The following DSCAM variants were observed in gnomAD, a reference collection of about 807,000 sequenced individuals.
DSCAM encodes DS cell adhesion molecule, also known as cell adhesion molecule DSCAM.
In DSCAM, 47 loss-of-function variants were observed where a neutral mutation model predicts 217.7. That is an observed-to-expected ratio of 0.22 (90% CI 0.17 to 0.28). The LOEUF is 0.28. Among genes scored for constraint, DSCAM ranks in the 10% least tolerant of loss-of-function variants. DSCAM has a pLI of 1.00. For missense variants in DSCAM, 2,080 were observed against 2,618.3 expected, an observed-to-expected ratio of 0.79 and a Z score of 4.49; for synonymous variants, 1,056 against 1,015.3, an observed-to-expected ratio of 1.04 and a Z score of -0.76.
intron 32 of DSCAM, among the ~76,000 whole-genome samples, chr21:40,039,437 C>T (rs1213816943): frequency 6.6e-6 from 1 of 151,764 alleles, no homozygotes; most frequent in Non-Finnish European, 1.5e-5. Context: ...CCAATTTAAC[C>T]AGTTGGTTTT....
chr21:40,322,999 C>T (rs1018846265), intron 8 of DSCAM, among the ~76,000 whole-genome samples: 4 of 152,126 alleles, frequency 2.6e-5, no homozygotes, highest in Non-Finnish European at 4.4e-5. Context: ...TTGGCCACCT[C>T]GGAGATTGTC....
At chr21:40,014,975 C>T (rs2088131532) in intron 32 of DSCAM, among the ~76,000 whole-genome samples, 1 of 152,190 alleles carries the variant, frequency 6.6e-6, no homozygotes, top group Admixed American at 6.5e-5. Flanking sequence ...TGTGGTCTTC[C>T]AGATCTCTGC....
intron 19 of DSCAM, among the ~76,000 whole-genome samples, chr21:40,128,699 C>CAAAAAAAAAAA: frequency 1.1e-5 from 1 of 89,048 alleles, no homozygotes; most frequent in Non-Finnish European, 2.5e-5. Flanking sequence ...CATAACCAAA[C>CAAAAAAAAAAA]AAAAAAAAAA....
intron 3 of DSCAM, among the ~76,000 whole-genome samples, chr21:40,473,725 G>A (rs543788309): frequency 2.6e-5 from 4 of 152,254 alleles, no homozygotes; most frequent in South Asian, 4.2e-4. Flanking sequence ...GGTGATTAAG[G>A]TAAAGTGAGG....
intron 8 of DSCAM, among the ~76,000 whole-genome samples, chr21:40,315,348 G>A (rs372778424): frequency 5.9e-5 from 9 of 151,526 alleles, no homozygotes; most frequent in Admixed American, 5.9e-4. Flanking sequence ...AGGTTGCAGT[G>A]AGCCAAGGTC....
intron 3 of DSCAM, among the ~76,000 whole-genome samples, chr21:40,475,599 G>A (rs562731019): frequency 2.6e-5 from 4 of 152,308 alleles, no homozygotes; most frequent in East Asian, 1.9e-4. Flanking sequence ...TTGGGAGGCC[G>A]AGGCAGGCAG....
At chr21:40,449,322 G>GA (rs1724845122) in intron 3 of DSCAM, among the ~76,000 whole-genome samples, 1 of 152,068 alleles carries the variant, frequency 6.6e-6, no homozygotes, top group Admixed American at 6.6e-5. Context: ...TTTGGTGGGG[G>GA]AGCATCATTC....
chr21:40,777,603 T>C (rs1454800353), intron 1 of DSCAM, among the ~76,000 whole-genome samples: 1 of 152,160 alleles, frequency 6.6e-6, no homozygotes. Context: ...AGATAATCTA[T>C]TTGTAAGACA....
intron 3 of DSCAM, among the ~76,000 whole-genome samples, chr21:40,665,846 C>T (rs972786056): frequency 2.6e-5 from 4 of 152,174 alleles, no homozygotes; most frequent in South Asian, 2.1e-4. Context: ...AGAAATTGTC[C>T]GCTGCCATGA....
chr21:40,417,337 C>T (rs923070257), intron 3 of DSCAM, among the ~76,000 whole-genome samples: 3 of 152,066 alleles, frequency 2.0e-5, no homozygotes, highest in African/African-American at 4.8e-5. Context: ...CCCATTAACT[C>T]GTCATTTACA....
intron 1 of DSCAM, among the ~76,000 whole-genome samples, chr21:40,805,796 C>T (rs1397426208): frequency 1.3e-5 from 2 of 152,044 alleles, no homozygotes; most frequent in Non-Finnish European, 2.9e-5. Context: ...GCAAGCTCCA[C>T]CTCCCGGGTT....
At chr21:40,185,231 T>C (rs756996732) in intron 14 of DSCAM, among the ~76,000 whole-genome samples, 1 of 152,134 alleles carries the variant, frequency 6.6e-6, no homozygotes, top group Non-Finnish European at 1.5e-5. Context: ...TTGAGATCTA[T>C]GGAGGGGGTA....
intron 8 of DSCAM, among the ~76,000 whole-genome samples, chr21:40,328,679 C>T (rs1326610939): frequency 6.6e-6 from 1 of 152,046 alleles, no homozygotes; most frequent in Admixed American, 6.5e-5. Flanking sequence ...AGGAATCAAT[C>T]ACCAGAGTGA....
At chr21:40,614,032 T>C (rs561228008) in intron 3 of DSCAM, among the ~76,000 whole-genome samples, 77 of 152,220 alleles carry the variant, frequency 5.1e-4, no homozygotes, top group African/African-American at 1.6e-3. Flanking sequence ...ACCCATATAT[T>C]CCCCTGTGAG....
intron 29 of DSCAM, 67 bp from the exon 30 acceptor site, chr21:40,052,174 T>A: frequency 6.4e-7 from 1 of 1,562,954 alleles, no homozygotes; most frequent in East Asian, 2.3e-5. Context: ...CCCTGGCCTT[T>A]TCTCTCCTGA....
chr21:40,051,972 G>A lies in DSCAM; in HGVS notation c.5171C>T (p.Ala1724Val), dbSNP rs1310509967. The change falls in exon 30 of 33, where the codon GCT becomes GTT. Residue 1724 changes from alanine to valine, a missense_variant. By Grantham distance (64) the Ala-to-Val change is moderately conservative. Coordinates refer to ENST00000400454, the MANE Select transcript of DSCAM (RefSeq NM_001389.5). ...TGACCACTCACTCGTTCCCGGCCGA[G>A]CGTCTGAAACATCCACTAAGGGCCC... is the stretch of plus-strand genomic sequence containing the variant. The part of the protein sequence containing the change: ...ATGPLVDVSD[A>V]RPGTNPTTRR... The A allele has an allele frequency of 1.2e-6, 2 of 1,612,722 alleles. No homozygotes were observed. Among genetic ancestry groups the A allele is most frequent in the African/African-American group, 2.7e-5 (2 of 74,858 alleles).
chr21:40,092,554 C>T (rs999016086), intron 21 of DSCAM, among the ~76,000 whole-genome samples: 2 of 152,236 alleles, frequency 1.3e-5, no homozygotes, highest in African/African-American at 4.8e-5. Flanking sequence ...TACCCCACTG[C>T]ACTAGCCAGG....
At chr21:40,542,118 C>A (rs2146134318) in intron 3 of DSCAM, among the ~76,000 whole-genome samples, 1 of 152,304 alleles carries the variant, frequency 6.6e-6, no homozygotes, top group African/African-American at 2.4e-5. Context: ...TTCATTGAGA[C>A]TATCTGCCTA....
chr21:40,326,724 C>T (rs1451813192), intron 8 of DSCAM, among the ~76,000 whole-genome samples: 1 of 152,106 alleles, frequency 6.6e-6, no homozygotes, highest in Non-Finnish European at 1.5e-5. Context: ...TAGTGAACCA[C>T]TGCACAGATC....
Sources: gnomAD v4.1 joint callset for allele counts (sites outside exome capture counted in the v4.1 genomes callset) on GRCh38, gnomAD v4.1.1 for gene constraint, MANE v1.5 for transcripts, NCBI Gene and HGNC (gene_info 2026-07-23, HGNC 2026-07-21) for gene names.